DYNC2H1: variants seen among roughly 807,000 people sequenced by gnomAD.
DYNC2H1 encodes cytoplasmic dynein 2 heavy chain 1.
In DYNC2H1, 410 loss-of-function variants were observed where a neutral mutation model predicts 570.0. The observed-to-expected ratio is 0.72, with a 90% CI of 0.66 to 0.78. The LOEUF (loss-of-function observed/expected upper bound fraction) is 0.78, where lower values mean the gene tolerates loss of function less well. Among genes scored for constraint, DYNC2H1 ranks in the 30% least tolerant of loss-of-function variants. The probability of loss-of-function intolerance (pLI) is 0.00; values close to 1 mark genes in which losing one functional copy is unlikely to be tolerated. For synonymous variants in DYNC2H1, 1,688 were observed against 1,677.6 expected (o/e 1.01, Z -0.15); for missense variants, 4,865 against 5,046.4 (o/e 0.96, Z 1.09).
chr11:103,425,518 A>G (rs890291284), intron 84 of DYNC2H1, among the ~76,000 whole-genome samples: 3 of 151,966 alleles, frequency 2.0e-5, no homozygotes, highest in African/African-American at 7.3e-5. Context: ...CTCATAACCT[A>G]TTTCCTTCCA....
At chr11:103,116,296 A>C (rs924529713) in intron 4 of DYNC2H1, among the ~76,000 whole-genome samples, 2 of 152,160 alleles carry the variant, frequency 1.3e-5, no homozygotes, top group Admixed American at 6.6e-5. Context: ...AATTTTAAAA[A>C]ATCAAAATTT....
At chr11:103,310,612 A>C (rs1283750405) in intron 78 of DYNC2H1, among the ~76,000 whole-genome samples, 1 of 151,664 alleles carries the variant, frequency 6.6e-6, no homozygotes, top group Non-Finnish European at 1.5e-5. Flanking sequence ...TCATAAACAT[A>C]AAAGCTTTCA....
rs1234148400 is a variant in DYNC2H1 at position 103,195,640 on chromosome 11, A to G, written c.7709-2293A>G. Among the ~76,000 whole-genome samples, 4 of 152,184 alleles carry G rather than the reference A, an allele frequency of 2.6e-5. No homozygotes were observed. The South Asian group carries it at 6.2e-4, about 24-fold the overall frequency. On this transcript the variant is annotated intron_variant, in intron 47 of 88. Transcript: ENST00000375735. ...TATTTCTGTTTCTTTGTCTTTTCGT[A>G]TAGATTTTAGAATAATCGTTTCTGA...
intron 26 of DYNC2H1, 46 bp from the exon 27 acceptor site, chr11:103,158,631 C>G: frequency 4.1e-6 from 6 of 1,465,198 alleles, no homozygotes; most frequent in Non-Finnish European, 5.5e-6. Flanking sequence ...TCTTACCCCC[C>G]CAAATTGTTA....
At chr11:103,443,645 C>T (rs1944339791) in intron 85 of DYNC2H1, among the ~76,000 whole-genome samples, 1 of 143,768 alleles carries the variant, frequency 7.0e-6, no homozygotes, top group African/African-American at 2.7e-5. Flanking sequence ...TAATCTATGT[C>T]AGTGATTTTG....
Position 103,199,987 on chromosome 11 carries a change from AT to A in DYNC2H1, c.8089-54del. Reference sequence around the variant, plus strand: ...CTTTACATACAAATACAAAATGTTAATTTTTAACTGTACCAAAAATACTTAA... The same window carrying A: ...CTTTACATACAAATACAAAATGTTAATTTTAACTGTACCAAAAATACTTAA... On this transcript the variant is annotated intron_variant, in intron 49 of 88. Coordinates refer to ENST00000375735, the MANE Select transcript of DYNC2H1 (RefSeq NM_001377.3). The surrounding 1 kb of genome is among the most constrained non-coding windows in gnomAD (Gnocchi z 4.6). The A allele has an allele frequency of 5.2e-6, 6 of 1,143,328 alleles. No individual in the cohort carries two copies. Among genetic ancestry groups the A allele is most frequent in the Non-Finnish European group, 6.4e-6 (5 of 783,098 alleles). 70.8% of individuals were successfully genotyped at this position (1,143,328 alleles called of 1,614,324 possible).
At chr11:103,403,868 T>C (rs1420716777) in intron 84 of DYNC2H1, 1 of 152,024 alleles carries the variant, frequency 6.6e-6, no homozygotes, top group East Asian at 1.9e-4. Context: ...ATATCATTGG[T>C]GACCAGTTGT....
At chr11:103,242,515 T>C (rs1864460026) in intron 63 of DYNC2H1, among the ~76,000 whole-genome samples, 1 of 152,210 alleles carries the variant, frequency 6.6e-6, no homozygotes, top group South Asian at 2.1e-4. Flanking sequence ...ATATGTGTTC[T>C]CTTATTCTTA....
chr11:103,234,239 G>A lies in DYNC2H1; in HGVS notation c.9567+79G>A, dbSNP rs368646118. 4.6e-4 allele frequency: 659 copies of A among 1,445,156 alleles called. 7 individuals carry two copies. In the South Asian group the frequency reaches 6.1e-3, roughly 13 times the overall value. The allele number at this position is 1,445,156 out of a possible 1,614,324, so 89.5% of individuals were successfully genotyped here. A position where few individuals can be genotyped will look rare whatever the true frequency, so the allele number is the denominator to read the frequency against. ...ATAATGTAATGTATGTTAAGAAAAA[G>A]GAGAGAAAGATCCATTAATTTGCAC... On this transcript the variant is annotated intron_variant, in intron 61 of 88. Coordinates refer to ENST00000375735, the MANE Select transcript of DYNC2H1 (RefSeq NM_001377.3).
chr11:103,369,135 T>C lies in DYNC2H1; in HGVS notation c.12156+10776T>C, dbSNP rs897729507. 1.3e-5 allele frequency among the ~76,000 whole-genome samples: 2 copies of C among 152,156 alleles called. No homozygotes were observed. Among genetic ancestry groups the C allele is most frequent in the Admixed American group, 6.5e-5 (1 of 15,276 alleles). On this transcript the variant is annotated intron_variant, in intron 83 of 88. Transcript: ENST00000375735. This position sits in a 1 kb window ranked among gnomAD's most constrained non-coding sequence, Gnocchi z 4.0. Reference sequence around the variant, plus strand: ...CCCCTGTCTCCAAGCAGCAGTGGCATGGCATGGAGAGCGTTTTGGTGCACT... The same window carrying C: ...CCCCTGTCTCCAAGCAGCAGTGGCACGGCATGGAGAGCGTTTTGGTGCACT...
chr11:103,207,382 T>C (rs1032066873), intron 52 of DYNC2H1, among the ~76,000 whole-genome samples: 1 of 152,080 alleles, frequency 6.6e-6, no homozygotes, highest in Admixed American at 6.6e-5. Context: ...ATGGATCTAG[T>C]GTACAAATGG....
At chr11:103,190,743 T>C (rs1216007045) in intron 45 of DYNC2H1, among the ~76,000 whole-genome samples, 1 of 152,036 alleles carries the variant, frequency 6.6e-6, no homozygotes, top group Non-Finnish European at 1.5e-5. Flanking sequence ...GCTCTGTCCA[T>C]AGAGAGGAAG....
At chr11:103,451,556 C>CT (rs1315728331) in intron 85 of DYNC2H1, among the ~76,000 whole-genome samples, 23 of 152,178 alleles carry the variant, frequency 1.5e-4, no homozygotes, top group Non-Finnish European at 1.3e-4. Context: ...TGGTCTCGAT[C>CT]TCTTGACCTC....
intron 12 of DYNC2H1, 31 bp from the exon 13 acceptor site, chr11:103,128,875 TATTA>T: frequency 1.4e-6 from 2 of 1,403,012 alleles, no homozygotes; most frequent in East Asian, 2.4e-5. Context: ...AAAATGAAGT[TATTA>T]ATTATTACTA....
intron 84 of DYNC2H1, among the ~76,000 whole-genome samples, chr11:103,422,087 T>G (rs1437224988): frequency 6.6e-6 from 1 of 151,960 alleles, no homozygotes; most frequent in Non-Finnish European, 1.5e-5. Context: ...AACCAGGCCA[T>G]CTAGAAGAAA....
intron 88 of DYNC2H1, chr11:103,474,093 CTTA>C (rs1945476798): frequency 4.2e-6 from 1 of 240,802 alleles, no homozygotes; most frequent in Non-Finnish European, 9.1e-6. Context: ...TCTTCAAGGA[CTTA>C]TTATGAAAGT....
chr11:103,117,246 AATATATATATTTT>A (rs994899382), intron 5 of DYNC2H1, among the ~76,000 whole-genome samples: 3 of 146,648 alleles, frequency 2.0e-5, no homozygotes, highest in South Asian at 2.1e-4. Context: ...ATATATATTT[AATATATATATTTT>A]ATATATATAT....
intron 70 of DYNC2H1, among the ~76,000 whole-genome samples, chr11:103,279,955 A>G (rs1866065956): frequency 6.6e-6 from 1 of 152,188 alleles, no homozygotes; most frequent in Non-Finnish European, 1.5e-5. Context: ...AATTGCATGT[A>G]GTCACCCATA....
Position 103,209,777 on chromosome 11 carries a change from G to T in DYNC2H1, c.8455-99G>T. On this transcript the variant is annotated intron_variant, in intron 52 of 88. Transcript: ENST00000375735. This position sits in a 1 kb window ranked among gnomAD's most constrained non-coding sequence, Gnocchi z 4.2. Reference sequence around the variant, plus strand: ...TCTTAGTCTGGAATGAATCCTAGAAGAAAAGTACAATCAATACTGACTTTT... The same window carrying T: ...TCTTAGTCTGGAATGAATCCTAGAATAAAAGTACAATCAATACTGACTTTT... The T allele has an allele frequency of 1.1e-6, 1 of 901,378 alleles. No individual in the cohort carries two copies. Among genetic ancestry groups the T allele is most frequent in the Non-Finnish European group, 1.5e-6 (1 of 669,868 alleles). The allele number at this position is 901,378 out of a possible 1,614,324, so 55.8% of individuals were successfully genotyped here.
Sources: gnomAD v4.1 joint callset for allele counts (sites outside exome capture counted in the v4.1 genomes callset) on GRCh38, gnomAD v4.1.1 for gene constraint, Gnocchi (gnomAD v3.1) non-coding constraint, MANE v1.5 for transcripts, NCBI Gene and HGNC (gene_info 2026-07-23, HGNC 2026-07-21) for gene names.